The following LIPI variants were observed in gnomAD, a reference collection of about 807,000 sequenced individuals.
The protein encoded by LIPI is lipase member I.
LIPI carries 59 observed loss-of-function variants against 50.6 expected under a neutral mutation model. The ratio of observed to expected loss-of-function variants is 1.16; its 90% CI spans 0.94 to 1.45. The LOEUF (loss-of-function observed/expected upper bound fraction) is 1.45. LIPI is among the 40% of genes most tolerant of loss of function. The pLI, the probability that LIPI is intolerant of heterozygous loss-of-function variation, is 0.00. For missense variants in LIPI, 586 were observed against 536.3 expected (o/e 1.09, Z -0.92); for synonymous variants, 203 against 178.2 (o/e 1.14, Z -1.11).
chr21:14,156,272 G>A (rs1461952624), intron 7 of LIPI, among the ~76,000 whole-genome samples: 1 of 151,832 alleles, frequency 6.6e-6, no homozygotes, highest in African/African-American at 2.4e-5. Context: ...GAATTATCTA[G>A]GTGGACCCAA....
intron 7 of LIPI, among the ~76,000 whole-genome samples, chr21:14,162,271 GAAATAAC>G (rs1284693080): frequency 4.0e-5 from 6 of 151,346 alleles, no homozygotes; most frequent in Non-Finnish European, 3.0e-5. Flanking sequence ...TAACAATCTT[GAAATAAC>G]AAAGTTCTAG....
Position 14,152,694 on chromosome 21 carries a change from A to T in LIPI, c.1007-10T>A. ...AGAACAAAATAATAGGCTACAAAAT[A>T]AAAATATAGAATACAACTCACATTA... On this transcript the variant is annotated splice_polypyrimidine_tract_variant and intron_variant, in intron 7 of 9. Coordinates refer to ENST00000681601, the MANE Select transcript of LIPI (RefSeq NM_001302998.2). The T allele has an allele frequency of 1.6e-6, 2 of 1,274,702 alleles. No homozygotes were observed. The highest frequency in any genetic ancestry group is 2.3e-6 in the Non-Finnish European group (2 of 877,310). The allele number at this position is 1,274,702 out of a possible 1,614,324, so 79.0% of individuals were successfully genotyped here.
intron 4 of LIPI, among the ~76,000 whole-genome samples, chr21:14,167,861 T>C (rs9647106): frequency 0.86 from 130,288 of 152,242 alleles, 56,243 homozygotes; most frequent in East Asian, 0.97. Flanking sequence ...CAAAGCTGGC[T>C]GGAGAATGAC....
At chr21:14,129,788 G>T (rs1162771047) in intron 9 of LIPI, among the ~76,000 whole-genome samples, 1 of 143,972 alleles carries the variant, frequency 6.9e-6, no homozygotes, top group Non-Finnish European at 1.5e-5. Context: ...GTTCAATAAT[G>T]ACTCTAATTG....
rs2020347806 is a variant in LIPI, at chr21:14,210,953, T to G, written c.-108A>C. On this transcript the variant is annotated 5_prime_UTR_variant, in exon 1 of 10. Coordinates refer to ENST00000681601, the MANE Select transcript of LIPI (RefSeq NM_001302998.2). ...ATCATCACAGGCTGGCAGGTTCTTC[T>G]GTAAAAGTTCACTGATTTTTGCTCC... 1.9e-6 allele frequency: 2 copies of G among 1,057,820 alleles called. No homozygotes were observed. The allele number at this position is 1,057,820 out of a possible 1,614,324, so 65.5% of individuals were successfully genotyped here.
chr21:14,162,134 T>C (rs894733912), intron 7 of LIPI, among the ~76,000 whole-genome samples: 4 of 150,678 alleles, frequency 2.7e-5, no homozygotes, highest in African/African-American at 7.3e-5. Context: ...TACTATGGAA[T>C]ACTACTCAGC....
intron 9 of LIPI, among the ~76,000 whole-genome samples, chr21:14,122,622 T>A (rs1479048184): frequency 6.6e-6 from 1 of 152,168 alleles, no homozygotes; most frequent in Non-Finnish European, 1.5e-5. Context: ...ATGTCCTGAT[T>A]GTAACTTTCA....
chr21:14,163,543 A>T lies in LIPI; in HGVS notation c.902-20T>A. The stretch of plus-strand genomic sequence containing the variant: ...GATAACCTGAGATTTGAGAAATAGA[A>T]CATTAGAAATTGGATTTCCATCAAA... On this transcript the variant is annotated intron_variant, in intron 6 of 9. Transcript: ENST00000681601. 8.6e-7 allele frequency: 1 copy of T among 1,158,796 alleles called. No individual in the cohort carries two copies. Among genetic ancestry groups the T allele is most frequent in the Non-Finnish European group, 1.3e-6 (1 of 765,068 alleles). The allele number at this position is 1,158,796 out of a possible 1,614,324, so 71.8% of individuals were successfully genotyped here.
At chr21:14,203,796 C>T (rs1053008185) in intron 1 of LIPI, among the ~76,000 whole-genome samples, 2 of 151,578 alleles carry the variant, frequency 1.3e-5, no homozygotes, top group Admixed American at 6.6e-5. Flanking sequence ...CACATGTATA[C>T]ATATGTAACT....
intron 9 of LIPI, 28 bp downstream of exon 9, chr21:14,144,595 T>C (rs768804768): frequency 1.3e-5 from 16 of 1,233,358 alleles, no homozygotes; most frequent in Middle Eastern, 4.2e-4. Context: ...AAAGATAACA[T>C]GTTGAAATCA....
intron 8 of LIPI, among the ~76,000 whole-genome samples, chr21:14,147,815 T>C (rs1600862311): frequency 2.0e-5 from 3 of 152,310 alleles, no homozygotes; most frequent in African/African-American, 7.2e-5. Flanking sequence ...ACAACATGTC[T>C]ATTCTAAAGC....
At chr21:14,206,589 T>A (rs1383249774) in intron 1 of LIPI, among the ~76,000 whole-genome samples, 1 of 151,660 alleles carries the variant, frequency 6.6e-6, no homozygotes, top group African/African-American at 2.4e-5. Context: ...TTTTTTTTTC[T>A]GATAATCTAA....
intron 3 of LIPI, among the ~76,000 whole-genome samples, chr21:14,183,203 T>C (rs1213369617): frequency 6.6e-6 from 1 of 151,972 alleles, no homozygotes; most frequent in East Asian, 1.9e-4. Flanking sequence ...TTGACAAACC[T>C]GAGAAAAACA....
intron 9 of LIPI, among the ~76,000 whole-genome samples, chr21:14,120,367 A>G (rs2016817733): frequency 6.6e-6 from 1 of 152,234 alleles, no homozygotes; most frequent in African/African-American, 2.4e-5. Context: ...GCGAATATCT[A>G]TACTGACTCA....
intron 9 of LIPI, among the ~76,000 whole-genome samples, chr21:14,132,342 C>T (rs942168019): frequency 2.0e-4 from 31 of 152,006 alleles, no homozygotes; most frequent in African/African-American, 7.3e-4. Flanking sequence ...TAAAGGAAGC[C>T]CCATCAGAAT....
intron 9 of LIPI, among the ~76,000 whole-genome samples, chr21:14,137,316 G>A (rs763858669): frequency 2.0e-5 from 3 of 152,036 alleles, no homozygotes; most frequent in African/African-American, 4.8e-5. Flanking sequence ...GCAGTGTTGA[G>A]GAAACTAAAA....
At chr21:14,199,106 A>G (rs2019962344) in intron 1 of LIPI, among the ~76,000 whole-genome samples, 1 of 152,162 alleles carries the variant, frequency 6.6e-6, no homozygotes. Flanking sequence ...CAGTGATAAG[A>G]GAGAAATTGA....
At chr21:14,155,805 C>T (rs2018252407) in intron 7 of LIPI, among the ~76,000 whole-genome samples, 2 of 151,874 alleles carry the variant, frequency 1.3e-5, no homozygotes, top group African/African-American at 4.8e-5. Flanking sequence ...GCAGAATTAT[C>T]CTTAGAGATA....
In LIPI at chr21:14,210,820, A is replaced by G; in HGVS notation, c.26T>C (p.Leu9Ser). The change falls in exon 1 of 10, where the codon TTG becomes TCG. Residue 9 changes from leucine to serine, a missense_variant. Coordinates refer to ENST00000681601, the MANE Select transcript of LIPI (RefSeq NM_001302998.2). MRVYIFLC[L>S]MCWVRSDNKR... The stretch of plus-strand genomic sequence containing the variant: ...CTTACCAGATCTCACCCAGCACATC[A>G]AACAAAGAAAAATGTATACTCTCAT... 8.1e-7 allele frequency: 1 copy of G among 1,229,084 alleles called. No homozygotes were observed. Among genetic ancestry groups the G allele is most frequent in the Non-Finnish European group, 1.0e-6 (1 of 953,336 alleles). 76.1% of individuals were successfully genotyped at this position (1,229,084 alleles called of 1,614,324 possible).
Sources: gnomAD v4.1 joint callset for allele counts (sites outside exome capture counted in the v4.1 genomes callset) on GRCh38, gnomAD v4.1.1 for gene constraint, MANE v1.5 for transcripts, NCBI Gene and HGNC (gene_info 2026-07-23, HGNC 2026-07-21) for gene names.